Variants in GRIN2A observed in about 807,000 individuals in gnomAD.
GRIN2A encodes the protein glutamate ionotropic receptor NMDA type subunit 2A.
Under a neutral mutation model 113.4 loss-of-function variants are expected in GRIN2A, and 22 were observed. The ratio of observed to expected loss-of-function variants is 0.19; its 90% CI spans 0.14 to 0.28. The LOEUF (loss-of-function observed/expected upper bound fraction) is 0.28, where lower values mean the gene tolerates loss of function less well. GRIN2A is among the 10% of genes least tolerant of loss of function. The pLI is 1.00. For synonymous variants in GRIN2A, 827 were observed against 738.4 expected (o/e 1.12, Z -1.94); for missense variants, 1,502 against 1,887.0 (o/e 0.80, Z 3.78).
chr16:10,118,505 A>G (rs1260978246), intron 2 of GRIN2A, among the ~76,000 whole-genome samples: 1 of 152,170 alleles, frequency 6.6e-6, no homozygotes, highest in African/African-American at 2.4e-5. Flanking sequence ...CCTGTGAACA[A>G]TATTTCTCAT....
At chr16:9,906,996 G>T (rs532327611) in intron 3 of GRIN2A, among the ~76,000 whole-genome samples, 1 of 152,070 alleles carries the variant, frequency 6.6e-6, no homozygotes, top group African/African-American at 2.4e-5. Flanking sequence ...TGTATTTCTT[G>T]TAGACAGGGT....
At chr16:10,158,658 G>A (rs528868157) in intron 2 of GRIN2A, among the ~76,000 whole-genome samples, 1 of 152,308 alleles carries the variant, frequency 6.6e-6, no homozygotes, top group Admixed American at 6.5e-5. Context: ...CTAAGTGAAA[G>A]ATGCCAGATG....
intron 2 of GRIN2A, among the ~76,000 whole-genome samples, chr16:10,172,433 G>A (rs1368033751): frequency 6.6e-6 from 1 of 152,248 alleles, no homozygotes. Flanking sequence ...TTATCCAGGA[G>A]CAGCCCCTGG....
chr16:9,831,214 A>G (rs1375647173), intron 8 of GRIN2A, among the ~76,000 whole-genome samples: 2 of 152,220 alleles, frequency 1.3e-5, no homozygotes, highest in African/African-American at 2.4e-5. Flanking sequence ...CCTTTACAAT[A>G]GTCTTTCCAG....
At chr16:9,892,129 G>C (rs746214282) in intron 3 of GRIN2A, among the ~76,000 whole-genome samples, 1 of 152,094 alleles carries the variant, frequency 6.6e-6, no homozygotes, top group African/African-American at 2.4e-5. Context: ...TACTCAGAAG[G>C]CTGAGGCAGG....
At chr16:10,054,951 G>A (rs1011535275) in intron 2 of GRIN2A, among the ~76,000 whole-genome samples, 1 of 149,716 alleles carries the variant, frequency 6.7e-6, no homozygotes, top group Admixed American at 6.7e-5. Context: ...GGAAGCTGGA[G>A]GCAGGAGAAT....
At chr16:9,912,461 A>G (rs1341559990) in intron 3 of GRIN2A, among the ~76,000 whole-genome samples, 2 of 141,036 alleles carry the variant, frequency 1.4e-5, no homozygotes, top group East Asian at 4.5e-4. Context: ...AAGCTGCAAA[A>G]GGAATAATGA....
At position 9,903,269 on chromosome 16, in the gene GRIN2A, C is replaced by T. The variant is rs190776124; in HGVS notation, c.1008-12169G>A. Among the ~76,000 whole-genome samples, 250 of 152,156 alleles carry T rather than the reference C, an allele frequency of 1.6e-3. 5 individuals are homozygous for T. The highest frequency in any genetic ancestry group is 0.015 in the Admixed American group (222 of 15,286). On this transcript the variant is annotated intron_variant, in intron 3 of 12. Transcript: ENST00000330684. ...AGGCGTGAGTCACCGTGCCCGGCCT[C>T]TCTTGGTTTTCTTAATCCATTCCTC...
chr16:10,090,378 A>C (rs1400571382), intron 2 of GRIN2A, among the ~76,000 whole-genome samples: 1 of 152,198 alleles, frequency 6.6e-6, no homozygotes, highest in Non-Finnish European at 1.5e-5. Context: ...TTTAGAAATA[A>C]GCTCTGACAC....
At chr16:9,979,203 G>C (rs775584120) in intron 2 of GRIN2A, among the ~76,000 whole-genome samples, 3 of 152,122 alleles carry the variant, frequency 2.0e-5, no homozygotes, top group South Asian at 2.1e-4. Flanking sequence ...CTCTCATTCT[G>C]TGACTTACTA....
At chr16:9,965,945 C>T (rs1326478816) in intron 2 of GRIN2A, among the ~76,000 whole-genome samples, 1 of 152,182 alleles carries the variant, frequency 6.6e-6, no homozygotes, top group Non-Finnish European at 1.5e-5. Flanking sequence ...AAACACTTGC[C>T]AATTGCTGCT....
rs563902608 is a variant in GRIN2A, at chr16:10,146,396, C to T, written c.414+33602G>A. Among the ~76,000 whole-genome samples the T allele has an allele frequency of 1.1e-3, 175 of 152,250 alleles. 2 individuals carry two copies. The highest frequency in any genetic ancestry group is 7.2e-4 in the Non-Finnish European group (49 of 68,020). On this transcript the variant is annotated intron_variant, in intron 2 of 12. Coordinates refer to ENST00000330684, the MANE Select transcript of GRIN2A (RefSeq NM_001134407.3). ...GCCTCCCACAGTGCATGAGCCACCA[C>T]GCCCAGCCCATTCAACAACATTTTA...
chr16:9,779,943 G>C (rs891612821), intron 11 of GRIN2A, among the ~76,000 whole-genome samples: 2 of 152,190 alleles, frequency 1.3e-5, no homozygotes, highest in African/African-American at 4.8e-5. Flanking sequence ...CCATTGTACT[G>C]ACATTAAATC....
At chr16:9,907,124 G>A (rs1341365622) in intron 3 of GRIN2A, among the ~76,000 whole-genome samples, 2 of 152,124 alleles carry the variant, frequency 1.3e-5, no homozygotes, top group Non-Finnish European at 2.9e-5. Context: ...CAAAAGTCTT[G>A]TTTTTCTATT....
At chr16:9,789,615 C>T (rs528684013) in intron 11 of GRIN2A, among the ~76,000 whole-genome samples, 8 of 152,010 alleles carry the variant, frequency 5.3e-5, no homozygotes, top group South Asian at 4.2e-4. Context: ...TTAAGGAGGA[C>T]GCTTTTGAGT....
At chr16:10,160,895 T>A (rs8061959) in intron 2 of GRIN2A, among the ~76,000 whole-genome samples, 2,182 of 152,296 alleles carry the variant, frequency 0.014, 51 homozygotes, top group African/African-American at 0.05. Flanking sequence ...CAGAGGCACG[T>A]TCGTGGAGCC....
At chr16:10,102,029 G>A (rs1054566428) in intron 2 of GRIN2A, among the ~76,000 whole-genome samples, 1 of 152,196 alleles carries the variant, frequency 6.6e-6, no homozygotes, top group Non-Finnish European at 1.5e-5. Flanking sequence ...TTTGTAGATT[G>A]AGAGGGGTAT....
At chr16:10,020,710 C>A (rs1484599938) in intron 2 of GRIN2A, among the ~76,000 whole-genome samples, 1 of 152,102 alleles carries the variant, frequency 6.6e-6, no homozygotes, top group Non-Finnish European at 1.5e-5. Flanking sequence ...GTTGTAAGGA[C>A]AAGATAAAAG....
intron 2 of GRIN2A, among the ~76,000 whole-genome samples, chr16:10,010,199 TTTA>T (rs1348048674): frequency 6.6e-6 from 1 of 152,366 alleles, no homozygotes; most frequent in East Asian, 1.9e-4. Flanking sequence ...CTTTCCTTAT[TTTA>T]TTATTATCAA....
Sources: gnomAD v4.1 joint callset for allele counts (sites outside exome capture counted in the v4.1 genomes callset) on GRCh38, gnomAD v4.1.1 for gene constraint, MANE v1.5 for transcripts, NCBI Gene and HGNC (gene_info 2026-07-23, HGNC 2026-07-21) for gene names.